The following ERP44 variants were observed in gnomAD, a reference collection of about 807,000 sequenced individuals.
ERP44 encodes endoplasmic reticulum resident protein 44.
ERP44 carries 25 observed loss-of-function variants against 53.4 expected under a neutral mutation model. The observed-to-expected ratio is 0.47, with a 90% CI of 0.34 to 0.65. The LOEUF (loss-of-function observed/expected upper bound fraction) is 0.65, where lower values mean the gene tolerates loss of function less well. ERP44 is among the 30% of genes least tolerant of loss of function. The probability of loss-of-function intolerance (pLI) is 0.01; values close to 1 mark genes in which losing one functional copy is unlikely to be tolerated. For missense variants in ERP44, 338 were observed against 493.2 expected, an observed-to-expected ratio of 0.69 and a Z score of 2.98; for synonymous variants, 145 against 161.2, an observed-to-expected ratio of 0.90 and a Z score of 0.76.
intron 8 of ERP44, among the ~76,000 whole-genome samples, chr9:100,010,956 A>G (rs1034082143): frequency 6.6e-6 from 1 of 151,894 alleles, no homozygotes; most frequent in African/African-American, 2.4e-5. Flanking sequence ...ATTCATTTTT[A>G]TAAACTGTTA....
At chr9:100,008,544 T>G (rs1387944135) in intron 8 of ERP44, among the ~76,000 whole-genome samples, 2 of 152,202 alleles carry the variant, frequency 1.3e-5, no homozygotes, top group African/African-American at 2.4e-5. Flanking sequence ...ACTATCCTTT[T>G]GAGGATCTCT....
intron 2 of ERP44, among the ~76,000 whole-genome samples, chr9:100,059,400 A>T (rs1273432238): frequency 2.6e-5 from 4 of 152,218 alleles, no homozygotes; most frequent in Non-Finnish European, 2.9e-5. Flanking sequence ...TAAAAAACTT[A>T]TTAGGCCAAG....
At chr9:100,091,583 G>A (rs1394960159) in intron 1 of ERP44, among the ~76,000 whole-genome samples, 1 of 152,136 alleles carries the variant, frequency 6.6e-6, no homozygotes, top group South Asian at 2.1e-4. Context: ...TGATAGAAAA[G>A]ATTTACTATG....
At chr9:100,057,421 G>A (rs964508685) in intron 3 of ERP44, among the ~76,000 whole-genome samples, 2 of 152,170 alleles carry the variant, frequency 1.3e-5, no homozygotes, top group Non-Finnish European at 2.9e-5. Flanking sequence ...ACAAAAGACA[G>A]AGGCAGCAGA....
intron 1 of ERP44, among the ~76,000 whole-genome samples, chr9:100,082,993 C>G (rs968628185): frequency 2.6e-5 from 4 of 151,768 alleles, no homozygotes; most frequent in Non-Finnish European, 4.4e-5. Flanking sequence ...TAACCCAAAG[C>G]CATAAAAGAT....
intron 4 of ERP44, among the ~76,000 whole-genome samples, chr9:100,044,409 G>A (rs578217302): frequency 1.6e-3 from 248 of 151,778 alleles, no homozygotes; most frequent in Non-Finnish European, 2.9e-3. Flanking sequence ...AATATTAAAT[G>A]AAATTCTTTT....
At chr9:100,052,720 T>C (rs1362236145) in intron 3 of ERP44, among the ~76,000 whole-genome samples, 188 bp from the exon 4 acceptor site, 2 of 152,202 alleles carry the variant, frequency 1.3e-5, no homozygotes, top group African/African-American at 4.8e-5. Context: ...TCAAAGACTG[T>C]ATACCAATTC....
At chr9:100,068,029 G>A (rs1256135668) in intron 1 of ERP44, among the ~76,000 whole-genome samples, 1 of 147,280 alleles carries the variant, frequency 6.8e-6, no homozygotes, top group Non-Finnish European at 1.5e-5. Context: ...GGAGGGAGGT[G>A]GGGGGGTCAG....
At chr9:100,052,943 G>A (rs1826053546) in intron 3 of ERP44, among the ~76,000 whole-genome samples, 1 of 151,768 alleles carries the variant, frequency 6.6e-6, no homozygotes, top group African/African-American at 2.4e-5. Context: ...TTTGAGACAG[G>A]GTCTCATTCT....
intron 8 of ERP44, among the ~76,000 whole-genome samples, chr9:100,012,728 A>G (rs1587962253): frequency 6.6e-6 from 1 of 152,226 alleles, no homozygotes; most frequent in East Asian, 1.9e-4. Flanking sequence ...AGTCTTTTAA[A>G]GAGTTTTTAA....
At chr9:100,057,505 C>A (rs1414528090) in intron 3 of ERP44, among the ~76,000 whole-genome samples, 1 of 152,194 alleles carries the variant, frequency 6.6e-6, no homozygotes, top group African/African-American at 2.4e-5. Flanking sequence ...CTTATAAACA[C>A]TACCCTTCTT....
chr9:100,022,996 A>G (rs1360868603), intron 4 of ERP44, among the ~76,000 whole-genome samples: 1 of 152,204 alleles, frequency 6.6e-6, no homozygotes, highest in Non-Finnish European at 1.5e-5. Flanking sequence ...AACGGGAACA[A>G]CTGGTCATAC....
chr9:100,077,881 A>G (rs1429472039), intron 1 of ERP44, among the ~76,000 whole-genome samples: 1 of 152,210 alleles, frequency 6.6e-6, no homozygotes, highest in Non-Finnish European at 1.5e-5. Context: ...GTGATTAACC[A>G]CAACAGCCCA....
Position 100,018,298 on chromosome 9 carries a change from C to A in ERP44, c.603G>T (p.Pro201=). The change falls in exon 7 of 12, where the codon CCG becomes CCT. Residue 201 remains proline (P), a synonymous_variant. Coordinates refer to ENST00000262455, the MANE Select transcript of ERP44 (RefSeq NM_015051.3). ...FLSAFGDVSK[P]ERYSGDNIIY... Reference sequence around the variant, plus strand: ...TTATGTTGTCGCCACTATATCTTTCCGGTTTTGAAACATCCCTATAGGAAG... The same window carrying A: ...TTATGTTGTCGCCACTATATCTTTCAGGTTTTGAAACATCCCTATAGGAAG... 2 of 1,605,722 alleles carry A rather than the reference C, an allele frequency of 1.2e-6. No individual in the cohort carries two copies. Among genetic ancestry groups the A allele is most frequent in the Non-Finnish European group, 1.7e-6 (2 of 1,172,580 alleles).
At chr9:100,049,376 C>A (rs939825341) in intron 4 of ERP44, among the ~76,000 whole-genome samples, 2 of 151,874 alleles carry the variant, frequency 1.3e-5, no homozygotes, top group Non-Finnish European at 2.9e-5. Context: ...ACAGCCTGGG[C>A]GAGACAGTGA....
intron 4 of ERP44, among the ~76,000 whole-genome samples, chr9:100,029,614 T>G (rs909899234): frequency 6.6e-6 from 1 of 151,976 alleles, no homozygotes; most frequent in Non-Finnish European, 1.5e-5. Context: ...AAAATGGAGG[T>G]TCCTCAAAAC....
At chr9:100,014,674 G>A (rs1036337588) in intron 8 of ERP44, among the ~76,000 whole-genome samples, 2 of 152,126 alleles carry the variant, frequency 1.3e-5, no homozygotes, top group Non-Finnish European at 2.9e-5. Context: ...GAGCTTTATT[G>A]AAACACAGCC....
chr9:100,006,862 T>C (rs1286155398), intron 9 of ERP44, among the ~76,000 whole-genome samples: 1 of 152,198 alleles, frequency 6.6e-6, no homozygotes, highest in Non-Finnish European at 1.5e-5. Context: ...TTAGAAATCA[T>C]ATTGACTTAG....
At chr9:100,024,152 TCAACAACAACAA>T (rs35674225) in intron 4 of ERP44, among the ~76,000 whole-genome samples, 54 of 149,442 alleles carry the variant, frequency 3.6e-4, no homozygotes, top group Admixed American at 6.7e-4. Flanking sequence ...AAACCCTGAC[TCAACAACAACAA>T]CAACAACAAC....
Sources: allele counts gnomAD v4.1 joint callset (sites outside exome capture counted in the v4.1 genomes callset), GRCh38; gene constraint gnomAD v4.1.1; transcripts MANE v1.5; gene names NCBI Gene and HGNC (gene_info 2026-07-23, HGNC 2026-07-21).